The following PRKD1 variants were observed in gnomAD, a reference collection of about 807,000 sequenced individuals.
PRKD1 encodes serine/threonine-protein kinase D1.
A neutral mutation model predicts 95.9 loss-of-function variants in PRKD1; 63 were observed. The observed-to-expected ratio is 0.66, with a 90% CI of 0.54 to 0.81. The LOEUF (loss-of-function observed/expected upper bound fraction) is 0.81. Among genes scored for constraint, PRKD1 ranks in the 30% least tolerant of loss-of-function variants. The probability of loss-of-function intolerance (pLI) is 0.00; values close to 1 mark genes in which losing one functional copy is unlikely to be tolerated. For synonymous variants in PRKD1, 425 were observed against 423.1 expected (o/e 1.00, Z -0.05); for missense variants, 1,048 against 1,165.3 (o/e 0.90, Z 1.47).
At chr14:29,801,100 A>C (rs895115943) in intron 1 of PRKD1, among the ~76,000 whole-genome samples, 3 of 151,726 alleles carry the variant, frequency 2.0e-5, no homozygotes, top group Non-Finnish European at 4.4e-5. Context: ...TGTGTGTGTA[A>C]ATGTCTCATG....
At chr14:29,912,640 T>TTC (rs1383736949) in intron 1 of PRKD1, among the ~76,000 whole-genome samples, 1 of 152,254 alleles carries the variant, frequency 6.6e-6, no homozygotes, top group Non-Finnish European at 1.5e-5. Flanking sequence ...TTCCAAAATT[T>TTC]TCTCTCTCTT....
At chr14:29,878,745 G>A (rs904209835) in intron 1 of PRKD1, among the ~76,000 whole-genome samples, 4 of 152,096 alleles carry the variant, frequency 2.6e-5, no homozygotes, top group Non-Finnish European at 4.4e-5. Flanking sequence ...GGTTGCCAGG[G>A]GCTGAAGGGA....
intron 4 of PRKD1, chr14:29,650,456 C>G (rs552614774): frequency 6.6e-6 from 1 of 152,392 alleles, no homozygotes; most frequent in Non-Finnish European, 1.5e-5. Context: ...CAGGTCTCCT[C>G]TGTCCCGGGG....
chr14:29,913,691 T>C (rs10143751), intron 1 of PRKD1, among the ~76,000 whole-genome samples: 3,608 of 152,316 alleles, frequency 0.024, 152 homozygotes, highest in African/African-American at 0.083. Context: ...GTCACAAAGG[T>C]TGCTCTGAAG....
intron 1 of PRKD1, among the ~76,000 whole-genome samples, chr14:29,826,670 T>TAC (rs1891142988): frequency 1.1e-5 from 1 of 87,730 alleles, no homozygotes; most frequent in Non-Finnish European, 2.2e-5. Flanking sequence ...TGTGTATATA[T>TAC]GTGTATATAT....
At chr14:29,627,008 C>T (rs907816569) in intron 11 of PRKD1, among the ~76,000 whole-genome samples, 6 of 151,264 alleles carry the variant, frequency 4.0e-5, no homozygotes, top group African/African-American at 1.2e-4. Context: ...CCACCACACT[C>T]GGCCTCAAAG....
At chr14:29,640,131 C>A (rs923940375) in intron 4 of PRKD1, among the ~76,000 whole-genome samples, 3 of 152,098 alleles carry the variant, frequency 2.0e-5, no homozygotes, top group Non-Finnish European at 2.9e-5. Flanking sequence ...AAAAGACAGG[C>A]CTTATTACCT....
intron 1 of PRKD1, among the ~76,000 whole-genome samples, chr14:29,869,743 T>C (rs1893038095): frequency 6.6e-6 from 1 of 152,210 alleles, no homozygotes; most frequent in East Asian, 1.9e-4. Flanking sequence ...TATTCTCAAG[T>C]CTGCCCAGAG....
intron 2 of PRKD1, among the ~76,000 whole-genome samples, chr14:29,704,204 T>G (rs1225594512): frequency 5.3e-5 from 8 of 152,036 alleles, no homozygotes; most frequent in Non-Finnish European, 1.2e-4. Context: ...AAAGGCCTGT[T>G]TATAAAAGAA....
chr14:29,787,122 T>C (rs942060848), intron 1 of PRKD1, among the ~76,000 whole-genome samples: 1 of 151,898 alleles, frequency 6.6e-6, no homozygotes, highest in Non-Finnish European at 1.5e-5. Flanking sequence ...TTAATTCCCA[T>C]GTATTTGTAT....
intron 1 of PRKD1, among the ~76,000 whole-genome samples, chr14:29,851,487 C>T (rs965591683): frequency 6.6e-6 from 1 of 152,228 alleles, no homozygotes; most frequent in Non-Finnish European, 1.5e-5. Flanking sequence ...TGCTCACCAT[C>T]GCTAATCATC....
intron 1 of PRKD1, among the ~76,000 whole-genome samples, chr14:29,802,095 G>A (rs1226131379): frequency 6.6e-6 from 1 of 151,886 alleles, no homozygotes; most frequent in African/African-American, 2.4e-5. Context: ...AGCGAAGGAA[G>A]AAAGGAAGGG....
intron 4 of PRKD1, among the ~76,000 whole-genome samples, chr14:29,650,106 G>C (rs2146127): frequency 6.6e-6 from 1 of 151,882 alleles, no homozygotes; most frequent in African/African-American, 2.4e-5. Context: ...CGCCACCTCC[G>C]GTTTTCTTTT....
intron 12 of PRKD1, among the ~76,000 whole-genome samples, chr14:29,625,290 C>T (rs187400729): frequency 7.9e-5 from 12 of 152,174 alleles, no homozygotes; most frequent in Non-Finnish European, 1.5e-4. Context: ...GCCATGACTT[C>T]TTTCATCTCT....
At chr14:29,610,504 G>C (rs1464877305) in intron 13 of PRKD1, among the ~76,000 whole-genome samples, 1 of 152,154 alleles carries the variant, frequency 6.6e-6, no homozygotes, top group Non-Finnish European at 1.5e-5. Flanking sequence ...CCAAAATCTG[G>C]AACTCCGACA....
intron 12 of PRKD1, among the ~76,000 whole-genome samples, chr14:29,624,780 T>C (rs572147829): frequency 1.3e-5 from 2 of 152,244 alleles, no homozygotes; most frequent in African/African-American, 4.8e-5. Flanking sequence ...ATGTAAAGTA[T>C]ACAAAATACC....
At chr14:29,902,083 G>C (rs547567970) in intron 1 of PRKD1, among the ~76,000 whole-genome samples, 1 of 152,158 alleles carries the variant, frequency 6.6e-6, no homozygotes, top group African/African-American at 2.4e-5. Context: ...GGAGCAAAAT[G>C]CATGGGAATT....
intron 1 of PRKD1, among the ~76,000 whole-genome samples, chr14:29,918,671 T>C (rs1461037428): frequency 6.6e-6 from 1 of 152,174 alleles, no homozygotes; most frequent in African/African-American, 2.4e-5. Context: ...TTGTGTGAAA[T>C]AATGTCAATA....
intron 4 of PRKD1, among the ~76,000 whole-genome samples, chr14:29,641,392 T>C (rs1357524209): frequency 1.3e-5 from 2 of 152,232 alleles, no homozygotes; most frequent in Admixed American, 1.3e-4. Context: ...ATGGCCCATA[T>C]TTCTAAATGA....
Sources: allele counts gnomAD v4.1 joint callset (sites outside exome capture counted in the v4.1 genomes callset), GRCh38; gene constraint gnomAD v4.1.1; transcripts MANE v1.5; gene names NCBI Gene and HGNC (gene_info 2026-07-23, HGNC 2026-07-21).